NBPF14: variants seen among roughly 807,000 people sequenced by gnomAD.
The protein encoded by NBPF14 is NBPF member 14, also known as NBPF family member NBPF14.
Under a neutral mutation model 91.2 loss-of-function variants are expected in NBPF14, and 104 were observed. That is an observed-to-expected ratio of 1.14 (90% CI 0.97 to 1.34). The LOEUF is 1.34. NBPF14 is among the 40% of genes most tolerant of loss of function. The pLI, the probability that NBPF14 is intolerant of heterozygous loss-of-function variation, is 0.00. For synonymous variants in NBPF14, 294 were observed against 303.8 expected (o/e 0.97, Z 0.34); for missense variants, 908 against 783.0 (o/e 1.16, Z -1.91).
chr1:148,593,302 G>C (rs1246677732), intron 3 of NBPF14, among the ~76,000 whole-genome samples: 7,547 of 148,540 alleles, frequency 0.051, 652 homozygotes, highest in African/African-American at 0.18. Flanking sequence ...ACACCATTTT[G>C]ATTATACTGA....
chr1:148,567,061 A>T, intron 27 of NBPF14, 58 bp from the exon 28 acceptor site: 2 of 192,004 alleles, frequency 1.0e-5, no homozygotes, highest in East Asian at 1.3e-4. Flanking sequence ...CACCCATAAC[A>T]GTCCACTGTC....
chr1:148,566,102 G>A, intron 29 of NBPF14, 41 bp downstream of exon 29: 1 of 438,800 alleles, frequency 2.3e-6, no homozygotes. Context: ...TTATATGGAA[G>A]ACTCAGTGGA....
intron 70 of NBPF14, among the ~76,000 whole-genome samples, 172 bp from the exon 71 acceptor site, chr1:148,533,420 G>A (rs1654095434): frequency 6.6e-6 from 1 of 150,676 alleles, no homozygotes; most frequent in East Asian, 1.9e-4. Flanking sequence ...ACAGGGCCAG[G>A]TAGAAAACAA....
chr1:148,568,882 T>C (rs1570968000), intron 25 of NBPF14, among the ~76,000 whole-genome samples: 1 of 148,320 alleles, frequency 6.7e-6, no homozygotes, highest in Non-Finnish European at 1.5e-5. Flanking sequence ...TCTCATCAAA[T>C]ACTCAGATTG....
intron 3 of NBPF14, among the ~76,000 whole-genome samples, chr1:148,593,246 C>T (rs1450424130): frequency 2.7e-5 from 4 of 148,660 alleles, no homozygotes; most frequent in Admixed American, 2.7e-4. Context: ...AAGCCGCAGT[C>T]AGTCAGGAGG....
intron 63 of NBPF14, among the ~76,000 whole-genome samples, 188 bp downstream of exon 63, chr1:148,539,222 G>A (rs1256918804): frequency 9.9e-6 from 1 of 101,434 alleles, no homozygotes; most frequent in South Asian, 3.7e-4. Context: ...ATAGAGCCTT[G>A]CTCACTGACC....
chr1:148,557,290 C>T (rs1272399132), intron 40 of NBPF14, among the ~76,000 whole-genome samples: 4 of 106,270 alleles, frequency 3.8e-5, no homozygotes, highest in Non-Finnish European at 7.0e-5. Context: ...GGTCCACCTA[C>T]AGTAGGTTAG....
At chr1:148,561,770 C>G in intron 34 of NBPF14, among the ~76,000 whole-genome samples, 191 bp from the exon 35 acceptor site, 1 of 103,928 alleles carries the variant, frequency 9.6e-6, no homozygotes, top group Admixed American at 8.9e-5. Context: ...AAGAGAAAGA[C>G]AGATAGACAC....
chr1:148,595,402 A>C (rs1308926189), intron 2 of NBPF14, 141 bp downstream of exon 2: 3 of 1,080,398 alleles, frequency 2.8e-6, no homozygotes, highest in Admixed American at 4.2e-5. Context: ...CAACTTTAAC[A>C]AAATGTTAAA....
chr1:148,532,165 T>A (rs1447710307), exon 71 of NBPF14: 1 of 152,236 alleles, frequency 6.6e-6, no homozygotes. Flanking sequence ...TGTGGTGATA[T>A]GGACTATGTG....
rs1253890966 is a variant in NBPF14, at chr1:148,534,600, G to T, written c.8614+84C>A. ...CCTGCGGCAATGACATCTCTCGGGT[G>T]AGTAAGGGCCACTTGGAATAGGAAT... is the stretch of plus-strand genomic sequence containing the variant. On this transcript the variant is annotated intron_variant, in intron 69 of 70. Coordinates refer to ENST00000619423, the Ensembl canonical transcript of NBPF14. The T allele has an allele frequency of 4.5e-6, 4 of 886,924 alleles. No homozygotes were observed. In the East Asian group the frequency reaches 9.7e-5, roughly 22 times the overall value. The allele number at this position is 886,924 out of a possible 1,614,324, so 54.9% of individuals were successfully genotyped here. A position where few individuals can be genotyped will look rare whatever the true frequency, so the allele number is the denominator to read the frequency against.
exon 71 of NBPF14, chr1:148,532,970 G>C (rs782124300): frequency 5.4e-6 from 3 of 558,108 alleles, no homozygotes; most frequent in East Asian, 2.8e-5. Context: ...GGTCCTGCCT[G>C]CAGGAATGAC....
rs1285508635 is a variant in NBPF14, at chr1:148,559,639, A to T, written c.4729+154T>A. Among the ~76,000 whole-genome samples the T allele has an allele frequency of 2.0e-4, 25 of 125,042 alleles. No individual in the cohort carries two copies. The South Asian group carries it at 4.3e-3, about 21-fold the overall frequency. 82.0% of individuals were successfully genotyped at this position (125,042 alleles called of 152,430 possible). A position where few individuals can be genotyped will look rare whatever the true frequency, so the allele number is the denominator to read the frequency against. On this transcript the variant is annotated intron_variant, in intron 37 of 70. Coordinates refer to ENST00000619423, the Ensembl canonical transcript of NBPF14. ...GACCCATCCCTTGTCTGGGCTTCCA[A>T]GTGGAACTAGAGTTTCATTCAACCT...
At chr1:148,572,763 G>C in intron 20 of NBPF14, 148 bp from the exon 21 acceptor site, 1 of 535,634 alleles carries the variant, frequency 1.9e-6, no homozygotes, top group Non-Finnish European at 3.2e-6. Flanking sequence ...CCTTTATGTT[G>C]GGATAGAACA....
intron 24 of NBPF14, 123 bp from the exon 25 acceptor site, chr1:148,569,550 G>A: frequency 3.4e-6 from 1 of 294,848 alleles, no homozygotes. Context: ...CCATTAATGA[G>A]GTAACAAATT....
At chr1:148,558,213 C>T in intron 39 of NBPF14, 39 bp downstream of exon 39, 1 of 202,990 alleles carries the variant, frequency 4.9e-6, no homozygotes. Flanking sequence ...ATCTGGAAGA[C>T]CAGGTGGAGG....
intron 64 of NBPF14, 149 bp from the exon 65 acceptor site, chr1:148,538,155 G>A: frequency 1.1e-5 from 1 of 94,848 alleles, no homozygotes; most frequent in Non-Finnish European, 1.8e-5. Context: ...CCTTCATGTT[G>A]GGACAGAACA....
chr1:148,534,147 T>A (rs1553332023), intron 69 of NBPF14, among the ~76,000 whole-genome samples, 178 bp from the exon 70 acceptor site: 1 of 147,442 alleles, frequency 6.8e-6, no homozygotes, highest in Non-Finnish European at 1.5e-5. Flanking sequence ...TCGGTTTTTC[T>A]CCCAGAAACT....
At chr1:148,534,639 G>C (rs1421854829) in intron 69 of NBPF14, 45 bp downstream of exon 69, 21 of 877,256 alleles carry the variant, frequency 2.4e-5, no homozygotes, top group Admixed American at 6.9e-5. Context: ...ACCCCTATCT[G>C]GAAGACCAGG....
Sources: gnomAD v4.1 joint callset for allele counts (sites outside exome capture counted in the v4.1 genomes callset) on GRCh38, gnomAD v4.1.1 for gene constraint, MANE v1.5 for transcripts, NCBI Gene and HGNC (gene_info 2026-07-23, HGNC 2026-07-21) for gene names.